PAN3: variants seen among roughly 807,000 people sequenced by gnomAD.
PAN3 encodes PAN2-PAN3 deadenylation complex subunit PAN3.
PAN3 carries 19 observed loss-of-function variants against 96.2 expected under a neutral mutation model. The ratio of observed to expected loss-of-function variants is 0.20; its 90% CI spans 0.14 to 0.29. The LOEUF (loss-of-function observed/expected upper bound fraction) is 0.29, where lower values mean the gene tolerates loss of function less well. PAN3 is among the 10% of genes least tolerant of loss of function. The probability of loss-of-function intolerance (pLI) is 1.00; values close to 1 mark genes in which losing one functional copy is unlikely to be tolerated. For synonymous variants in PAN3, 433 were observed against 406.6 expected (o/e 1.06, Z -0.78); for missense variants, 882 against 1,108.1 (o/e 0.80, Z 2.90).
intron 6 of PAN3, among the ~76,000 whole-genome samples, chr13:28,235,690 C>T (rs1025700670): frequency 5.3e-4 from 56 of 104,734 alleles, no homozygotes; most frequent in Non-Finnish European, 8.2e-4. Context: ...TATACACACA[C>T]ACACATACAC....
intron 16 of PAN3, 69 bp from the exon 17 acceptor site, chr13:28,281,246 G>C (rs1887448587): frequency 8.0e-7 from 1 of 1,247,768 alleles, no homozygotes; most frequent in East Asian, 2.3e-5. Context: ...ACCAGTTTTT[G>C]TAAATTTTGG....
intron 4 of PAN3, among the ~76,000 whole-genome samples, chr13:28,182,599 T>A (rs1875941637): frequency 6.6e-6 from 1 of 152,190 alleles, no homozygotes; most frequent in Admixed American, 6.5e-5. Context: ...AGTATCATGT[T>A]TATCTCTTCT....
intron 4 of PAN3, among the ~76,000 whole-genome samples, chr13:28,195,083 T>C (rs922377963): frequency 2.0e-5 from 3 of 152,128 alleles, no homozygotes; most frequent in Non-Finnish European, 4.4e-5. Context: ...GGTTCAAGAT[T>C]GCATAAAGGT....
intron 1 of PAN3, among the ~76,000 whole-genome samples, chr13:28,146,748 C>T (rs1021609483): frequency 2.0e-5 from 3 of 152,220 alleles, no homozygotes; most frequent in Non-Finnish European, 4.4e-5. Flanking sequence ...GAGGCCAAGG[C>T]AGGCGGATCA....
Position 28,197,355 on chromosome 13 carries a change from A to G in PAN3, c.852+9A>G. ...CAGAAAACAATTTACAGGTAAAAAT[A>G]ATTTTTATTAGACATTTCTTGAAAG... On this transcript the variant is annotated intron_variant, in intron 5 of 18. Coordinates refer to ENST00000380958, the MANE Select transcript of PAN3 (RefSeq NM_175854.8). The G allele has an allele frequency of 1.3e-6, 2 of 1,566,274 alleles. No homozygotes were observed. Among genetic ancestry groups the G allele is most frequent in the Non-Finnish European group, 1.7e-6 (2 of 1,154,232 alleles).
At chr13:28,219,662 G>A (rs905455538) in intron 5 of PAN3, among the ~76,000 whole-genome samples, 2 of 152,176 alleles carry the variant, frequency 1.3e-5, no homozygotes, top group Non-Finnish European at 2.9e-5. Flanking sequence ...AACAAGTCAC[G>A]CATGGTACTG....
intron 4 of PAN3, 138 bp downstream of exon 4, chr13:28,178,073 T>A: frequency 2.9e-6 from 2 of 701,140 alleles, no homozygotes; most frequent in Non-Finnish European, 4.7e-6. Flanking sequence ...GCCTTTTGTT[T>A]ATCCTTTTTC....
At chr13:28,161,560 A>T (rs1379694552) in intron 1 of PAN3, among the ~76,000 whole-genome samples, 1 of 152,144 alleles carries the variant, frequency 6.6e-6, no homozygotes, top group Non-Finnish European at 1.5e-5. Context: ...GGTACAGGGG[A>T]TTAAGACTTC....
chr13:28,232,116 G>A (rs1047761993), intron 6 of PAN3, among the ~76,000 whole-genome samples: 1 of 152,024 alleles, frequency 6.6e-6, no homozygotes, highest in African/African-American at 2.4e-5. Context: ...TCAAAAAAAT[G>A]AAAAAGAATA....
intron 5 of PAN3, among the ~76,000 whole-genome samples, chr13:28,203,948 A>G (rs527882698): frequency 2.2e-4 from 33 of 151,468 alleles, no homozygotes; most frequent in Non-Finnish European, 4.3e-4. Flanking sequence ...GGATACAGGC[A>G]CACTCCACCA....
At chr13:28,264,750 T>C (rs1200992300) in intron 9 of PAN3, among the ~76,000 whole-genome samples, 1 of 152,196 alleles carries the variant, frequency 6.6e-6, no homozygotes, top group Non-Finnish European at 1.5e-5. Context: ...GAGGCTCATT[T>C]TCATTGACTT....
Position 28,174,260 on chromosome 13 carries a change from C to G in PAN3, c.431-12C>G. ...AATAATTTTAAATACTTGAATTTTC[C>G]TTCTCTTTCAGTTCCAGGAATGGAT... is the stretch of plus-strand genomic sequence containing the variant. On this transcript the variant is annotated splice_polypyrimidine_tract_variant and intron_variant, in intron 1 of 18. Coordinates refer to ENST00000380958, the MANE Select transcript of PAN3 (RefSeq NM_175854.8). 6.2e-7 allele frequency: 1 copy of G among 1,604,000 alleles called. No individual in the cohort carries two copies. The highest frequency in any genetic ancestry group is 1.7e-5 in the Admixed American group (1 of 58,476).
At position 28,215,191 on chromosome 13, in the gene PAN3, C is replaced by CCACA. The variant is rs904263335; in HGVS notation, c.853-5038_853-5035dup. The CCACA allele has an allele frequency of 1.3e-5, 9 of 713,598 alleles. No individual in the cohort carries two copies. The African/African-American group carries it at 1.4e-4, about 11-fold the overall frequency. The allele number at this position is 713,598 out of a possible 1,614,324, so 44.2% of individuals were successfully genotyped here. A position where few individuals can be genotyped will look rare whatever the true frequency, so the allele number is the denominator to read the frequency against. ...CATAAAGATGGCAGCACCAGTGGAA[C>CCACA]CACACTGCTTGAGGCTCTGGACTGC... On this transcript the variant is annotated intron_variant, in intron 5 of 18. Coordinates refer to ENST00000380958, the MANE Select transcript of PAN3 (RefSeq NM_175854.8).
chr13:28,181,919 G>A (rs1875843816), intron 4 of PAN3, among the ~76,000 whole-genome samples: 1 of 152,098 alleles, frequency 6.6e-6, no homozygotes, highest in South Asian at 2.1e-4. Context: ...TTTATAGAGA[G>A]AAAAAGTAAC....
At chr13:28,156,201 AAC>A (rs1193904111) in intron 1 of PAN3, among the ~76,000 whole-genome samples, 2 of 152,102 alleles carry the variant, frequency 1.3e-5, no homozygotes, top group Non-Finnish European at 2.9e-5. Context: ...GATCCAAATA[AAC>A]ACAGTCAGAA....
At chr13:28,159,830 TG>T (rs1872683693) in intron 1 of PAN3, among the ~76,000 whole-genome samples, 1 of 152,188 alleles carries the variant, frequency 6.6e-6, no homozygotes, top group African/African-American at 2.4e-5. Context: ...GCATATTATC[TG>T]GGTGACAAAA....
intron 6 of PAN3, among the ~76,000 whole-genome samples, chr13:28,249,194 AC>A (rs1265788346): frequency 6.6e-6 from 1 of 152,176 alleles, no homozygotes; most frequent in East Asian, 1.9e-4. Flanking sequence ...CACTGGCAAT[AC>A]TTGTCTTAGC....
intron 6 of PAN3, among the ~76,000 whole-genome samples, chr13:28,244,471 A>G (rs1033437192): frequency 9.2e-5 from 14 of 152,182 alleles, no homozygotes; most frequent in Admixed American, 6.5e-5. Flanking sequence ...ATGGCTAGCA[A>G]GTTGTCACAT....
intron 1 of PAN3, among the ~76,000 whole-genome samples, chr13:28,165,038 G>T (rs893454061): frequency 6.6e-6 from 1 of 152,170 alleles, no homozygotes; most frequent in Admixed American, 6.6e-5. Context: ...CTCCCGAGTA[G>T]CTGGGACTAC....
Sources: gnomAD v4.1 joint callset for allele counts (sites outside exome capture counted in the v4.1 genomes callset) on GRCh38, gnomAD v4.1.1 for gene constraint, MANE v1.5 for transcripts, NCBI Gene and HGNC (gene_info 2026-07-23, HGNC 2026-07-21) for gene names.